The following SLC24A1 variants were observed in gnomAD, a reference collection of about 807,000 sequenced individuals.
The protein encoded by SLC24A1 is sodium/potassium/calcium exchanger 1.
Under a neutral mutation model 88.1 loss-of-function variants are expected in SLC24A1, and 52 were observed. The ratio of observed to expected loss-of-function variants is 0.59; its 90% CI spans 0.47 to 0.74. The LOEUF is 0.74. SLC24A1 is among the 30% of genes least tolerant of loss of function. The probability of loss-of-function intolerance (pLI) is 0.00; values close to 1 mark genes in which losing one functional copy is unlikely to be tolerated. For missense variants in SLC24A1, 1,173 were observed against 1,363.3 expected, an observed-to-expected ratio of 0.86 and a Z score of 2.20; for synonymous variants, 455 against 498.0, an observed-to-expected ratio of 0.91 and a Z score of 1.15.
chr15:65,658,349 A>G (rs929476855), downstream of SLC24A1: 5 of 152,364 alleles, frequency 3.3e-5, no homozygotes, highest in Admixed American at 6.5e-5. Flanking sequence ...TGCTAACTTT[A>G]GCACGAAGGA....
chr15:65,637,759 A>C (rs2141590330), intron 2 of SLC24A1, among the ~76,000 whole-genome samples: 1 of 152,312 alleles, frequency 6.6e-6, no homozygotes, highest in African/African-American at 2.4e-5. Context: ...TTCCCAGAGG[A>C]AGGTGACACT....
chr15:65,639,740 C>A (rs1162750545), intron 4 of SLC24A1, 37 bp downstream of exon 4: 1 of 1,338,898 alleles, frequency 7.5e-7, no homozygotes, highest in Admixed American at 1.9e-5. Flanking sequence ...TGGTTTGCCC[C>A]ATCCACTCCT....
In SLC24A1 at chr15:65,624,106, C is replaced by T. The variant is rs375737404; in HGVS notation, c.26C>T (p.Pro9Leu). The T allele has an allele frequency of 4.1e-5, 66 of 1,606,318 alleles. No homozygotes were observed. The African/African-American group carries it at 4.8e-4, about 12-fold the overall frequency. MGKLIRMG[P>L]QERWLLRTKR... ...ATGGGGAAATTGATCAGGATGGGGC[C>T]GCAAGAGAGGTGGTTACTCCGGACA... The change falls in exon 2 of 10, where the codon CCG becomes CTG. Residue 9 changes from proline (P) to leucine (L), a missense_variant. Transcript: ENST00000261892.
rs373174484 is a variant in SLC24A1 at position 65,625,759 on chromosome 15, G to A, written c.1679G>A (p.Arg560His). The change falls in exon 2 of 10, where the codon CGT becomes CAT. Residue 560 changes from arginine (R) to histidine (H), a missense_variant. Arg to His is a conservative substitution (Grantham distance 29). Coordinates refer to ENST00000261892, the MANE Select transcript of SLC24A1 (RefSeq NM_004727.3). ...ILNLTWWPLF[R>H]DVSFYILDLI... Reference sequence around the variant, plus strand: ...AACCTCACCTGGTGGCCCTTATTCCGTGATGTCTCCTTCTACATCCTTGAC... The same window carrying A: ...AACCTCACCTGGTGGCCCTTATTCCATGATGTCTCCTTCTACATCCTTGAC... 21 of 1,613,972 alleles carry A rather than the reference G, an allele frequency of 1.3e-5. No homozygotes were observed. Among genetic ancestry groups the A allele is most frequent in the Non-Finnish European group, 1.5e-5 (18 of 1,179,866 alleles).
In SLC24A1 at chr15:65,650,480, T is replaced by G; in HGVS notation, c.2331T>G (p.Thr777=). 6.4e-7 allele frequency: 1 copy of G among 1,551,312 alleles called. No homozygotes were observed. The highest frequency in any genetic ancestry group is 1.2e-5 in the South Asian group (1 of 84,040). Reference sequence around the variant, plus strand: ...CTGAAGAGAAAAGTGGAGGTGAAACTCAACCAGAAGGTGAAGGTGAAACTG... The same window carrying G: ...CTGAAGAGAAAAGTGGAGGTGAAACGCAACCAGAAGGTGAAGGTGAAACTG... ...GETEEKSGGE[T]QPEGEGETET... Residue 777 remains threonine (T), a synonymous_variant, in exon 7 of 10, where the codon ACT becomes ACG. Transcript: ENST00000261892. This position sits in a 1 kb window ranked among gnomAD's most constrained non-coding sequence, Gnocchi z 4.1.
At chr15:65,641,062 A>G (rs1023238309) in intron 4 of SLC24A1, among the ~76,000 whole-genome samples, 2 of 151,572 alleles carry the variant, frequency 1.3e-5, no homozygotes, top group Non-Finnish European at 2.9e-5. Context: ...CTCCACCTCA[A>G]ATAAATAAAT....
intron 2 of SLC24A1, among the ~76,000 whole-genome samples, chr15:65,637,820 C>T (rs1006964451): frequency 2.0e-5 from 3 of 151,734 alleles, no homozygotes; most frequent in East Asian, 1.9e-4. Context: ...GGACAGGGGG[C>T]GAGGGGCCCT....
chr15:65,618,215 G>T (rs980340477), upstream of SLC24A1, among the ~76,000 whole-genome samples: 1 of 151,950 alleles, frequency 6.6e-6, no homozygotes, highest in South Asian at 2.1e-4. Context: ...TTGTCTCTAC[G>T]TATGTATGTA....
In SLC24A1 at chr15:65,650,895, C is replaced by A; in HGVS notation, c.2746C>A (p.Pro916Thr). 1 of 1,613,958 alleles carries A rather than the reference C, an allele frequency of 6.2e-7. No individual in the cohort carries two copies. The highest frequency in any genetic ancestry group is 1.1e-5 in the South Asian group (1 of 91,082). Residue 916 changes from proline to threonine, a missense_variant, in exon 7 of 10, where the codon CCC becomes ACC. Coordinates refer to ENST00000261892, the MANE Select transcript of SLC24A1 (RefSeq NM_004727.3). This position sits in a 1 kb window ranked among gnomAD's most constrained non-coding sequence, Gnocchi z 4.1. Reference protein sequence around the residue: ...QKQAIYLFLLPIVFPLWLTVP... With the variant: ...QKQAIYLFLLTIVFPLWLTVP... ...GCAGGCCATTTACCTCTTCCTTCTG[C>A]CCATCGTGTTCCCACTGTGGCTGAC...
At chr15:65,636,023 A>G (rs774890033) in intron 2 of SLC24A1, among the ~76,000 whole-genome samples, 21 of 152,334 alleles carry the variant, frequency 1.4e-4, no homozygotes, top group East Asian at 3.9e-4. Context: ...ACTATTTTCT[A>G]TATTTTCTGA....
chr15:65,640,498 A>G (rs928893129), intron 4 of SLC24A1, among the ~76,000 whole-genome samples: 1 of 152,118 alleles, frequency 6.6e-6, no homozygotes, highest in African/African-American at 2.4e-5. Flanking sequence ...GAGCCTCCCC[A>G]TCTCTGGGGC....
intron 4 of SLC24A1, chr15:65,642,902 G>A (rs1219763221): frequency 1.8e-5 from 16 of 869,120 alleles, no homozygotes; most frequent in South Asian, 1.8e-4. Flanking sequence ...CAGCTTCTCC[G>A]TTTCCTCTCA....
rs1235843194 is a variant in SLC24A1 at position 65,624,803 on chromosome 15, G to T, written c.723G>T (p.Met241Ile). The change falls in exon 2 of 10, where the codon ATG becomes ATT. Residue 241 changes from methionine (M) to isoleucine (I), a missense_variant. Met to Ile is a conservative substitution (Grantham distance 10). Coordinates refer to ENST00000261892, the MANE Select transcript of SLC24A1 (RefSeq NM_004727.3). ...AAACCAACTCTCTTAAGAGAATAATGGAGGAAACCACCCCAACCACTCTCA... is the reference window on the plus strand; with the variant it reads ...AAACCAACTCTCTTAAGAGAATAATTGAGGAAACCACCCCAACCACTCTCA... ...ILETNSLKRI[M>I]EETTPTTLKG... The T allele has an allele frequency of 1.9e-6, 3 of 1,613,854 alleles. No individual in the cohort carries two copies. The highest frequency in any genetic ancestry group is 2.7e-5 in the African/African-American group (2 of 74,898).
chr15:65,642,878 C>T, intron 4 of SLC24A1: 1 of 595,226 alleles, frequency 1.7e-6, no homozygotes, highest in South Asian at 1.6e-5. Context: ...CCCAGCTTCC[C>T]AGATTGCACT....
intron 2 of SLC24A1, among the ~76,000 whole-genome samples, chr15:65,637,924 G>A (rs377688889): frequency 1.3e-5 from 2 of 152,184 alleles, no homozygotes; most frequent in African/African-American, 2.4e-5. Context: ...GGACAGATTC[G>A]ACTGGGGGTA....
intron 2 of SLC24A1, among the ~76,000 whole-genome samples, chr15:65,627,887 T>G (rs558584743): frequency 6.6e-6 from 1 of 152,368 alleles, no homozygotes; most frequent in South Asian, 2.1e-4. Context: ...TTCAAGGGCT[T>G]TAGTAGCAAC....
intron 9 of SLC24A1, among the ~76,000 whole-genome samples, chr15:65,653,446 G>A (rs192432528): frequency 2.8e-4 from 42 of 151,392 alleles, no homozygotes; most frequent in African/African-American, 9.2e-4. Flanking sequence ...AAAATGTAGA[G>A]ATTTAAGAGT....
chr15:65,658,125 C>T (rs1274519415), downstream of SLC24A1: 1 of 152,144 alleles, frequency 6.6e-6, no homozygotes. Context: ...CTTTTGTAAT[C>T]AAAGATGAAA....
chr15:65,654,641 A>C lies in SLC24A1; in HGVS notation c.*562A>C, dbSNP rs1489972144. ...CCAAGGCTACAGAAAAAAAAGAAAT[A>C]TAACAGGAATTAATGATCATTCCAC... On this transcript the variant is annotated 3_prime_UTR_variant, in exon 10 of 10. Coordinates refer to ENST00000261892, the MANE Select transcript of SLC24A1 (RefSeq NM_004727.3). 7.9e-7 allele frequency: 1 copy of C among 1,267,974 alleles called. No homozygotes were observed. Among genetic ancestry groups the C allele is most frequent in the African/African-American group, 1.6e-5 (1 of 63,912 alleles). The allele number at this position is 1,267,974 out of a possible 1,614,324, so 78.5% of individuals were successfully genotyped here. A position where few individuals can be genotyped will look rare whatever the true frequency, so the allele number is the denominator to read the frequency against.
Sources: gnomAD v4.1 joint callset for allele counts (sites outside exome capture counted in the v4.1 genomes callset) on GRCh38, gnomAD v4.1.1 for gene constraint, Gnocchi (gnomAD v3.1) non-coding constraint, MANE v1.5 for transcripts, NCBI Gene and HGNC (gene_info 2026-07-23, HGNC 2026-07-21) for gene names.